The following CHD6 variants were observed in gnomAD, a reference collection of about 807,000 sequenced individuals.
CHD6 encodes the protein ATP-dependent chromatin remodeler CHD6.
In CHD6, 50 loss-of-function variants were observed where a neutral mutation model predicts 276.9. That is an observed-to-expected ratio of 0.18 (90% CI 0.14 to 0.23). The LOEUF (loss-of-function observed/expected upper bound fraction) is 0.23, where lower values mean the gene tolerates loss of function less well. Among genes scored for constraint, CHD6 ranks in the 10% least tolerant of loss-of-function variants. CHD6 has a pLI of 1.00. For missense variants in CHD6, 2,564 were observed against 3,365.8 expected, an observed-to-expected ratio of 0.76 and a Z score of 5.89; for synonymous variants, 1,173 against 1,229.3, an observed-to-expected ratio of 0.95 and a Z score of 0.96.
chr20:41,559,336 A>G (rs1251503165), intron 1 of CHD6, among the ~76,000 whole-genome samples: 1 of 152,162 alleles, frequency 6.6e-6, no homozygotes, highest in Non-Finnish European at 1.5e-5. Context: ...TCCTCTCAAG[A>G]AAGAAACAGG....
At position 41,420,885 on chromosome 20, in the gene CHD6, A is replaced by G. The variant is rs2047166814; in HGVS notation, c.5750T>C (p.Leu1917Ser). 1.9e-6 allele frequency: 3 copies of G among 1,614,136 alleles called. No homozygotes were observed. The highest frequency in any genetic ancestry group is 1.6e-4 in the Middle Eastern group (1 of 6,062). The change falls in exon 31 of 37, where the codon TTA (leucine) becomes TCA (serine). Residue 1917 changes from leucine to serine, a missense_variant. Transcript: ENST00000373233. ...CCCAGGAGTCTGGTTTGCCACCTCTAAGCTTCCTTTCTTGGTTTCATCTTG... is the reference window on the plus strand; with the variant it reads ...CCCAGGAGTCTGGTTTGCCACCTCTGAGCTTCCTTTCTTGGTTTCATCTTG... ...GFQDETKKGS[L>S]EVANQTPGLQ...
intron 5 of CHD6, among the ~76,000 whole-genome samples, chr20:41,511,178 G>A (rs765826467): frequency 4.7e-4 from 72 of 152,166 alleles, no homozygotes; most frequent in Non-Finnish European, 9.4e-4. Flanking sequence ...CAAGGTGGTC[G>A]AGGAAGATTA....
chr20:41,549,634 AAAGTAT>A (rs1017415727), intron 2 of CHD6, among the ~76,000 whole-genome samples: 1 of 151,788 alleles, frequency 6.6e-6, no homozygotes. Flanking sequence ...CCTAAAACTT[AAAGTAT>A]AATAATAATA....
intron 36 of CHD6, among the ~76,000 whole-genome samples, chr20:41,409,930 A>G (rs117554065): frequency 0.013 from 1,998 of 152,310 alleles, 21 homozygotes; most frequent in South Asian, 0.035. Flanking sequence ...TATATTAAGT[A>G]TATGTGTGTG....
At chr20:41,425,743 A>C (rs2047341317) in intron 28 of CHD6, among the ~76,000 whole-genome samples, 1 of 152,108 alleles carries the variant, frequency 6.6e-6, no homozygotes, top group African/African-American at 2.4e-5. Flanking sequence ...AATTCAGAAA[A>C]TTCAAAAACC....
chr20:41,427,399 A>G (rs540551580), intron 27 of CHD6, among the ~76,000 whole-genome samples: 1 of 152,268 alleles, frequency 6.6e-6, no homozygotes, highest in Admixed American at 6.5e-5. Flanking sequence ...AACCTTTTAC[A>G]TGGCTCATCT....
rs2045724379 is a variant in CHD6 at position 41,596,999 on chromosome 20, T to TCGG, written c.-24+21340_-24+21341insCCG. ...ACAAAGTACCCGAGGGTCCAAAACC[T>TCGG]GTAAAGAACTTAAGCCCCCACTCAC... is the stretch of plus-strand genomic sequence containing the variant. On this transcript the variant is annotated intron_variant, in intron 1 of 36. Transcript: ENST00000373233. Among the ~76,000 whole-genome samples, 4 of 152,124 alleles carry TCGG rather than the reference T, an allele frequency of 2.6e-5. No individual in the cohort carries two copies. The South Asian group carries it at 8.3e-4, about 32-fold the overall frequency.
intron 27 of CHD6, among the ~76,000 whole-genome samples, chr20:41,432,762 TGA>T (rs1222673743): frequency 6.6e-6 from 1 of 151,844 alleles, no homozygotes; most frequent in Non-Finnish European, 1.5e-5. Flanking sequence ...TGGCCAATGC[TGA>T]GAGGAAAGAT....
chr20:41,428,518 C>A (rs75952827), intron 27 of CHD6, among the ~76,000 whole-genome samples: 2,440 of 152,294 alleles, frequency 0.016, 29 homozygotes, highest in South Asian at 0.048. Context: ...GTCAACAACA[C>A]AGCAAACTGA....
intron 8 of CHD6, among the ~76,000 whole-genome samples, chr20:41,494,290 T>G (rs2043623943): frequency 6.6e-6 from 1 of 152,210 alleles, no homozygotes; most frequent in African/African-American, 2.4e-5. Context: ...CAGTTTCTTT[T>G]TCTTAATAAC....
intron 23 of CHD6, among the ~76,000 whole-genome samples, chr20:41,448,351 A>G (rs1217286366): frequency 6.6e-6 from 1 of 152,228 alleles, no homozygotes; most frequent in Non-Finnish European, 1.5e-5. Context: ...GTTTTCAAAC[A>G]GTTTCACTTG....
intron 3 of CHD6, among the ~76,000 whole-genome samples, chr20:41,527,097 C>T (rs539239271): frequency 6.6e-6 from 1 of 152,252 alleles, no homozygotes; most frequent in Admixed American, 6.5e-5. Flanking sequence ...TCATCCTCTG[C>T]CCTCACCAAC....
intron 1 of CHD6, among the ~76,000 whole-genome samples, chr20:41,607,474 A>G (rs2045841438): frequency 6.6e-6 from 1 of 152,226 alleles, no homozygotes; most frequent in African/African-American, 2.4e-5. Context: ...TGAATTTTCA[A>G]TAACTGTTTG....
At chr20:41,485,940 C>T (rs2043403097) in intron 14 of CHD6, 1 of 151,226 alleles carries the variant, frequency 6.6e-6, no homozygotes, top group Admixed American at 6.6e-5. Flanking sequence ...CATATTTTGT[C>T]GATTAAAAAA....
Position 41,421,054 on chromosome 20 carries a change from G to T in CHD6, c.5581C>A (p.Gln1861Lys). The change falls in exon 31 of 37, where the codon CAG (glutamine) becomes AAG (lysine). Residue 1861 changes from glutamine (Q) to lysine (K), a missense_variant. Gln to Lys is a moderately conservative substitution (Grantham distance 53). Coordinates refer to ENST00000373233, the MANE Select transcript of CHD6 (RefSeq NM_032221.5). ...KSLESKLILSQNHSDEEEEEE... is the reference protein window; with the variant it reads ...KSLESKLILSKNHSDEEEEEE... ...TCTTCCTCCTCATCACTGTGGTTCT[G>T]ACTCAAAATCAATTTACTTTCTAAG... 6.2e-7 allele frequency: 1 copy of T among 1,613,784 alleles called. No individual in the cohort carries two copies. Among genetic ancestry groups the T allele is most frequent in the South Asian group, 1.1e-5 (1 of 90,936 alleles).
intron 1 of CHD6, among the ~76,000 whole-genome samples, chr20:41,572,789 C>T (rs993136958): frequency 6.6e-6 from 1 of 152,168 alleles, no homozygotes; most frequent in African/African-American, 2.4e-5. Flanking sequence ...AAATCTGAAC[C>T]CTAACCCTGG....
At chr20:41,604,323 A>C (rs1262345637) in intron 1 of CHD6, among the ~76,000 whole-genome samples, 1 of 152,172 alleles carries the variant, frequency 6.6e-6, no homozygotes, top group Non-Finnish European at 1.5e-5. Flanking sequence ...CCCAGGAAGG[A>C]GTATAAAACT....
At chr20:41,469,152 G>T (rs1022720004) in intron 17 of CHD6, among the ~76,000 whole-genome samples, 2 of 152,110 alleles carry the variant, frequency 1.3e-5, no homozygotes, top group African/African-American at 4.8e-5. Context: ...CCTCACTCTG[G>T]ACTCCCAACT....
intron 1 of CHD6, among the ~76,000 whole-genome samples, chr20:41,555,671 C>T (rs941135326): frequency 6.6e-6 from 1 of 150,576 alleles, no homozygotes; most frequent in Non-Finnish European, 1.5e-5. Flanking sequence ...GGGGCAGAGG[C>T]GCTCCCCACA....
Sources: gnomAD v4.1 joint callset for allele counts (sites outside exome capture counted in the v4.1 genomes callset) on GRCh38, gnomAD v4.1.1 for gene constraint, MANE v1.5 for transcripts, NCBI Gene and HGNC (gene_info 2026-07-23, HGNC 2026-07-21) for gene names.